The following RIMS1 variants were observed in gnomAD, a reference collection of about 807,000 sequenced individuals.
The protein encoded by RIMS1 is regulating synaptic membrane exocytosis protein 1.
A neutral mutation model predicts 214.1 loss-of-function variants in RIMS1; 83 were observed. The observed-to-expected ratio is 0.39, with a 90% CI of 0.32 to 0.47. RIMS1 has a LOEUF of 0.47. RIMS1 is among the 20% of genes least tolerant of loss of function. RIMS1 has a pLI of 0.99. For synonymous variants in RIMS1, 793 were observed against 786.8 expected, an observed-to-expected ratio of 1.01 and a Z score of -0.13; for missense variants, 2,050 against 2,161.8, an observed-to-expected ratio of 0.95 and a Z score of 1.03.
chr6:72,132,346 T>A lies in RIMS1; in HGVS notation c.471+32360T>A, dbSNP rs1055667420. 1.1e-4 allele frequency among the ~76,000 whole-genome samples: 17 copies of A among 152,204 alleles called. 1 individual carries two copies. On this transcript the variant is annotated intron_variant, in intron 4 of 33. Transcript: ENST00000521978. ...GTCATGATATCTTCACAATCCATGT[T>A]CTTCTGCCATGGCTTCAGTCAGTCC... is the stretch of plus-strand genomic sequence containing the variant.
chr6:72,175,165 G>A (rs184523847), intron 4 of RIMS1, among the ~76,000 whole-genome samples: 18 of 152,136 alleles, frequency 1.2e-4, no homozygotes, highest in African/African-American at 3.4e-4. Flanking sequence ...TGACTATCTC[G>A]TCTTCTTTTT....
intron 2 of RIMS1, among the ~76,000 whole-genome samples, chr6:72,058,102 GGGAAACCAGCT>G: frequency 6.6e-6 from 1 of 152,308 alleles, no homozygotes; most frequent in South Asian, 2.1e-4. Flanking sequence ...AAAGTTGTTA[GGGAAACCAGCT>G]GGTCCTCTTA....
At chr6:72,208,262 A>C (rs965454320) in intron 6 of RIMS1, among the ~76,000 whole-genome samples, 1 of 152,212 alleles carries the variant, frequency 6.6e-6, no homozygotes, top group Non-Finnish European at 1.5e-5. Flanking sequence ...TCTGTTCATT[A>C]AGTGGATTTT....
At position 72,351,403 on chromosome 6, in the gene RIMS1, A is replaced by C. The variant is rs117758819; in HGVS notation, c.4366+17568A>C. Among the ~76,000 whole-genome samples the C allele has an allele frequency of 8.2e-3, 1,244 of 152,302 alleles. 13 individuals carry two copies. Among genetic ancestry groups the C allele is most frequent in the Non-Finnish European group, 0.014 (985 of 68,030 alleles). On this transcript the variant is annotated intron_variant, in intron 29 of 33. Coordinates refer to ENST00000521978, the MANE Select transcript of RIMS1 (RefSeq NM_014989.7). Reference sequence around the variant, plus strand: ...CACAGATATTGATCAAGTGCCTAATAATTACTAATAAGAATGGCTAAGAGT... The same window carrying C: ...CACAGATATTGATCAAGTGCCTAATCATTACTAATAAGAATGGCTAAGAGT...
chr6:72,190,259 T>C (rs2049840976), intron 6 of RIMS1, among the ~76,000 whole-genome samples: 1 of 151,904 alleles, frequency 6.6e-6, no homozygotes, highest in Admixed American at 6.5e-5. Flanking sequence ...AGGTCAAGAA[T>C]TCGAGACCAG....
chr6:72,362,271 A>G (rs745466399), intron 29 of RIMS1, among the ~76,000 whole-genome samples: 8 of 152,176 alleles, frequency 5.3e-5, no homozygotes, highest in Non-Finnish European at 8.8e-5. Flanking sequence ...CTGCTAATCA[A>G]CCACTTAAGT....
intron 12 of RIMS1, 39 bp from the exon 13 acceptor site, chr6:72,250,291 A>G: frequency 1.3e-6 from 2 of 1,575,756 alleles, no homozygotes; most frequent in Non-Finnish European, 1.7e-6. Context: ...GTAATGCCTC[A>G]TGATTTTTAC....
chr6:72,244,009 G>C (rs2068204884), intron 10 of RIMS1, among the ~76,000 whole-genome samples: 1 of 150,174 alleles, frequency 6.7e-6, no homozygotes, highest in African/African-American at 2.4e-5. Flanking sequence ...CTGTTACCCA[G>C]GCTGGAAAGC....
At chr6:72,279,036 T>C (rs1383501298) in intron 23 of RIMS1, among the ~76,000 whole-genome samples, 1 of 152,036 alleles carries the variant, frequency 6.6e-6, no homozygotes. Flanking sequence ...TATGTTTTCA[T>C]TGTTATAAAA....
intron 2 of RIMS1, among the ~76,000 whole-genome samples, chr6:72,086,103 G>T (rs896689716): frequency 6.6e-6 from 1 of 152,076 alleles, no homozygotes; most frequent in East Asian, 1.9e-4. Flanking sequence ...GTGCTTAAGC[G>T]AATGCCATAG....
At chr6:71,891,337 AT>A (rs1162517459) in intron 1 of RIMS1, among the ~76,000 whole-genome samples, 1 of 152,200 alleles carries the variant, frequency 6.6e-6, no homozygotes, top group African/African-American at 2.4e-5. Context: ...GTATGAATTG[AT>A]TTATAAAGAG....
chr6:72,270,138 A>T (rs1379417490), intron 22 of RIMS1, among the ~76,000 whole-genome samples: 1 of 152,222 alleles, frequency 6.6e-6, no homozygotes, highest in Non-Finnish European at 1.5e-5. Context: ...AAACACACAC[A>T]CTAGCCTTAA....
At position 72,099,572 on chromosome 6, in the gene RIMS1, A is replaced by T. The variant is rs533602089; in HGVS notation, c.460-403A>T. Among the ~76,000 whole-genome samples, 272 of 152,292 alleles carry T rather than the reference A, an allele frequency of 1.8e-3. 2 individuals carry two copies. Among genetic ancestry groups the T allele is most frequent in the African/African-American group, 5.7e-3 (239 of 41,584 alleles). On this transcript the variant is annotated intron_variant, in intron 3 of 33. Coordinates refer to ENST00000521978, the MANE Select transcript of RIMS1 (RefSeq NM_014989.7). ...CCCAAATTGTGACTATCAATATTTT[A>T]ACAATAATTTGACAAAATTATTGAT...
intron 2 of RIMS1, among the ~76,000 whole-genome samples, chr6:72,079,713 G>T (rs1216884803): frequency 6.6e-6 from 1 of 151,960 alleles, no homozygotes; most frequent in African/African-American, 2.4e-5. Context: ...GTGAGACCCT[G>T]TATCTACAAA....
intron 6 of RIMS1, among the ~76,000 whole-genome samples, chr6:72,219,111 A>G (rs979426421): frequency 2.0e-5 from 3 of 152,182 alleles, no homozygotes; most frequent in East Asian, 1.9e-4. Context: ...ATTCTCCCCT[A>G]TCCTTCCCCA....
At chr6:71,992,511 C>T (rs1802066469) in intron 2 of RIMS1, among the ~76,000 whole-genome samples, 1 of 147,284 alleles carries the variant, frequency 6.8e-6, no homozygotes, top group African/African-American at 2.5e-5. Context: ...TCTTCTCCTC[C>T]TCCTCCTCTT....
At chr6:72,209,277 C>A (rs541179297) in intron 6 of RIMS1, among the ~76,000 whole-genome samples, 2 of 152,236 alleles carry the variant, frequency 1.3e-5, no homozygotes, top group East Asian at 3.9e-4. Flanking sequence ...CATTTTATAA[C>A]CGGAGTTGCT....
intron 2 of RIMS1, among the ~76,000 whole-genome samples, chr6:71,986,159 A>T (rs963134809): frequency 4.0e-5 from 6 of 149,242 alleles, no homozygotes; most frequent in African/African-American, 1.5e-4. Flanking sequence ...ACTTAACTTG[A>T]TGTCAAGAAA....
chr6:72,122,157 T>A (rs151092705), intron 4 of RIMS1, among the ~76,000 whole-genome samples: 8,267 of 151,438 alleles, frequency 0.055, 430 homozygotes, highest in Middle Eastern at 0.095. Context: ...TATCAGGATG[T>A]TGCTGGCCTC....
Sources: gnomAD v4.1 joint callset for allele counts (sites outside exome capture counted in the v4.1 genomes callset) on GRCh38, gnomAD v4.1.1 for gene constraint, MANE v1.5 for transcripts, NCBI Gene and HGNC (gene_info 2026-07-23, HGNC 2026-07-21) for gene names.